Variants in SBF2 observed in about 807,000 individuals in gnomAD.
The protein encoded by SBF2 is myotubularin-related protein 13.
A neutral mutation model predicts 225.2 loss-of-function variants in SBF2; 112 were observed. The observed-to-expected ratio is 0.50, with a 90% CI of 0.43 to 0.58. The LOEUF (loss-of-function observed/expected upper bound fraction) is 0.58, where lower values mean the gene tolerates loss of function less well. Among genes scored for constraint, SBF2 ranks in the 20% least tolerant of loss-of-function variants. The pLI is 0.00. For synonymous variants in SBF2, 763 were observed against 773.3 expected (o/e 0.99, Z 0.22); for missense variants, 1,996 against 2,206.2 (o/e 0.90, Z 1.91).
intron 24 of SBF2, among the ~76,000 whole-genome samples, chr11:9,844,061 T>C (rs1302490798): frequency 6.6e-6 from 1 of 152,230 alleles, no homozygotes; most frequent in Admixed American, 6.5e-5. Context: ...ATGTTTCTGA[T>C]AGTTTCTAAA....
intron 2 of SBF2, among the ~76,000 whole-genome samples, chr11:10,180,066 T>C (rs1242502174): frequency 6.6e-6 from 1 of 152,208 alleles, no homozygotes; most frequent in East Asian, 1.9e-4. Flanking sequence ...TCTGTATATG[T>C]CTTGAAAAGT....
At chr11:10,270,570 C>T (rs193023325) in intron 1 of SBF2, among the ~76,000 whole-genome samples, 2 of 152,160 alleles carry the variant, frequency 1.3e-5, no homozygotes, top group East Asian at 1.9e-4. Context: ...ATAAGTGGAC[C>T]AACGCAGTTC....
At position 9,778,827 on chromosome 11, in the gene SBF2, G is replaced by C. The variant is rs1419276691; in HGVS notation, c.*1591C>G. On this transcript the variant is annotated 3_prime_UTR_variant, in exon 40 of 40. Coordinates refer to ENST00000256190, the MANE Select transcript of SBF2 (RefSeq NM_030962.4). ...ATTTAATTCAAGGTGGTTAGTGAAT[G>C]TGAGGCAATGTAATGCCTTCACGAA... The C allele has an allele frequency of 6.6e-6, 1 of 152,660 alleles. No individual in the cohort carries two copies. Among genetic ancestry groups the C allele is most frequent in the Non-Finnish European group, 1.5e-5 (1 of 68,042 alleles). 9.5% of individuals were successfully genotyped at this position (152,660 alleles called of 1,614,324 possible).
At chr11:10,037,165 A>G (rs1949468823) in intron 3 of SBF2, among the ~76,000 whole-genome samples, 1 of 152,140 alleles carries the variant, frequency 6.6e-6, no homozygotes, top group South Asian at 2.1e-4. Flanking sequence ...TCAAAAGGGG[A>G]GGAGAAGACA....
chr11:10,260,651 C>T (rs897351862), intron 1 of SBF2, among the ~76,000 whole-genome samples: 8 of 145,424 alleles, frequency 5.5e-5, no homozygotes, highest in Non-Finnish European at 7.5e-5. Context: ...TGCAGTGAGC[C>T]GAGATTGCGC....
intron 2 of SBF2, among the ~76,000 whole-genome samples, chr11:10,169,772 G>A (rs747879366): frequency 6.5e-4 from 99 of 152,128 alleles, no homozygotes; most frequent in Non-Finnish European, 1.4e-3. Flanking sequence ...CTCCATAGTG[G>A]CTTTAGCAAT....
At chr11:10,087,062 C>A (rs1951593447) in intron 2 of SBF2, among the ~76,000 whole-genome samples, 1 of 152,080 alleles carries the variant, frequency 6.6e-6, no homozygotes, top group Non-Finnish European at 1.5e-5. Context: ...CCAAAGTTTT[C>A]TCATGAGTGA....
chr11:10,158,690 A>G (rs952904074), intron 2 of SBF2, among the ~76,000 whole-genome samples: 5 of 152,202 alleles, frequency 3.3e-5, no homozygotes, highest in African/African-American at 1.2e-4. Context: ...ATAAAAAGCC[A>G]TATAAAGACT....
Position 9,847,977 on chromosome 11 carries a change from AG to A in SBF2, c.2807-895del, listed in dbSNP as rs1387869045. On this transcript the variant is annotated intron_variant, in intron 22 of 39. Coordinates refer to ENST00000256190, the MANE Select transcript of SBF2 (RefSeq NM_030962.4). ...ATTGAGAGAGAAGATGGAGCTTTAA[AG>A]GAAGTGTAGAATCTGGATTTGCAGA... 1.1e-4 allele frequency among the ~76,000 whole-genome samples: 16 copies of A among 152,022 alleles called. No homozygotes were observed. In the South Asian group the frequency reaches 3.3e-3, roughly 32 times the overall value.
intron 6 of SBF2, among the ~76,000 whole-genome samples, chr11:10,003,802 T>A (rs1309520757): frequency 6.6e-6 from 1 of 152,186 alleles, no homozygotes; most frequent in Non-Finnish European, 1.5e-5. Flanking sequence ...AAATACGATA[T>A]ACATACTTAT....
At chr11:10,236,455 C>T (rs1479929083) in intron 1 of SBF2, among the ~76,000 whole-genome samples, 1 of 151,822 alleles carries the variant, frequency 6.6e-6, no homozygotes, top group African/African-American at 2.4e-5. Context: ...AGAGCGAGTC[C>T]GTCTCTTTTT....
At position 9,995,736 on chromosome 11, in the gene SBF2, C is replaced by T. The variant is rs535165326; in HGVS notation, c.976-1738G>A. 9.2e-5 allele frequency among the ~76,000 whole-genome samples: 14 copies of T among 151,442 alleles called. No homozygotes were observed. The East Asian group carries it at 1.4e-3, about 15-fold the overall frequency. ...CGTGATCTCGGCTCACTGCGACCTCCGCCTCCTGGGTTCAAGTGAGCCTCC... is the reference window on the plus strand; with the variant it reads ...CGTGATCTCGGCTCACTGCGACCTCTGCCTCCTGGGTTCAAGTGAGCCTCC... On this transcript the variant is annotated intron_variant, in intron 9 of 39. Transcript: ENST00000256190.
chr11:10,196,202 G>C (rs1283078012), intron 1 of SBF2, among the ~76,000 whole-genome samples: 1 of 152,148 alleles, frequency 6.6e-6, no homozygotes, highest in African/African-American at 2.4e-5. Context: ...TCTATACTGA[G>C]TAAAATGTTT....
At chr11:10,001,297 C>T (rs375550050) in intron 7 of SBF2, among the ~76,000 whole-genome samples, 6 of 152,048 alleles carry the variant, frequency 3.9e-5, no homozygotes, top group African/African-American at 1.4e-4. Context: ...TCTTCTAGTA[C>T]TGTTTGAAAG....
intron 22 of SBF2, among the ~76,000 whole-genome samples, chr11:9,847,304 G>A (rs909165720): frequency 2.0e-5 from 3 of 152,022 alleles, no homozygotes; most frequent in African/African-American, 7.2e-5. Flanking sequence ...GCAGTAGAAG[G>A]GATCCTTGAC....
chr11:9,844,169 T>C (rs1293952498), intron 24 of SBF2, among the ~76,000 whole-genome samples: 1 of 152,214 alleles, frequency 6.6e-6, no homozygotes, highest in East Asian at 1.9e-4. Context: ...GACAAGATGC[T>C]TGGTCCACTG....
At chr11:9,859,501 T>C (rs1038672481) in intron 17 of SBF2, among the ~76,000 whole-genome samples, 2 of 152,224 alleles carry the variant, frequency 1.3e-5, no homozygotes, top group East Asian at 1.9e-4. Flanking sequence ...GTAGGTACCA[T>C]TTTCAATAAA....
intron 13 of SBF2, among the ~76,000 whole-genome samples, chr11:9,973,962 G>C (rs886797034): frequency 2.6e-5 from 4 of 152,114 alleles, no homozygotes; most frequent in Non-Finnish European, 4.4e-5. Flanking sequence ...ATTATACTTA[G>C]AGCTATGTGG....
chr11:10,237,217 T>C (rs972006776), intron 1 of SBF2, among the ~76,000 whole-genome samples: 1 of 152,138 alleles, frequency 6.6e-6, no homozygotes, highest in Non-Finnish European at 1.5e-5. Context: ...TGTGGTGGTA[T>C]ATACCTGTTA....
Sources: allele counts gnomAD v4.1 joint callset (sites outside exome capture counted in the v4.1 genomes callset), GRCh38; gene constraint gnomAD v4.1.1; transcripts MANE v1.5; gene names NCBI Gene and HGNC (gene_info 2026-07-23, HGNC 2026-07-21).